The following UMODL1 variants were observed in gnomAD, a reference collection of about 807,000 sequenced individuals.
UMODL1 encodes uromodulin-like 1.
UMODL1 carries 128 observed loss-of-function variants against 136.3 expected under a neutral mutation model. That is an observed-to-expected ratio of 0.94 (90% CI 0.81 to 1.09). The LOEUF (loss-of-function observed/expected upper bound fraction) is 1.09. UMODL1 is among the 50% of genes least tolerant of loss of function. The pLI, the probability that UMODL1 is intolerant of heterozygous loss-of-function variation, is 0.00. For missense variants in UMODL1, 1,766 were observed against 1,725.6 expected, an observed-to-expected ratio of 1.02 and a Z score of -0.41; for synonymous variants, 721 against 720.0, an observed-to-expected ratio of 1.00 and a Z score of -0.02.
At position 42,122,585 on chromosome 21, in the gene UMODL1, ATG is replaced by A. The variant is rs558420702; in HGVS notation, c.2828-239_2828-238del. Among the ~76,000 whole-genome samples, 260 of 74,542 alleles carry A rather than the reference ATG, an allele frequency of 3.5e-3. 1 individual carries two copies. Among genetic ancestry groups the A allele is most frequent in the African/African-American group, 0.012 (244 of 19,898 alleles). The allele number at this position is 74,542 out of a possible 152,430, so 48.9% of individuals were successfully genotyped here. A position where few individuals can be genotyped will look rare whatever the true frequency, so the allele number is the denominator to read the frequency against. ...TGCACGTGTGTGCGTGCGTGTGTGC[ATG>A]TGTGTGCATGTGTGTGCATCTCTGC... On this transcript the variant is annotated intron_variant, in intron 16 of 22. Transcript: ENST00000408910. This position sits in a 1 kb window ranked among gnomAD's most constrained non-coding sequence, Gnocchi z 4.3.
intron 2 of UMODL1, among the ~76,000 whole-genome samples, chr21:42,078,297 G>C (rs1232477): frequency 3.2e-5 from 1 of 31,696 alleles, no homozygotes; most frequent in East Asian, 4.7e-4. Flanking sequence ...GAAACCAGGC[G>C]GGGCCAGCTG....
chr21:42,114,723 A>G (rs1234778991), intron 13 of UMODL1, among the ~76,000 whole-genome samples: 6 of 152,260 alleles, frequency 3.9e-5, no homozygotes, highest in Non-Finnish European at 7.3e-5. Context: ...GGAGTGCATG[A>G]CGTGAATTGT....
intron 1 of UMODL1, among the ~76,000 whole-genome samples, chr21:42,065,787 C>T (rs1254170374): frequency 1.3e-5 from 2 of 152,106 alleles, no homozygotes; most frequent in Non-Finnish European, 2.9e-5. Context: ...CCGCCTCAGC[C>T]TCCCAAAGTG....
At chr21:42,103,506 G>A (rs1301342726) in intron 8 of UMODL1, 2 of 380,872 alleles carry the variant, frequency 5.3e-6, no homozygotes, top group Non-Finnish European at 1.0e-5. Context: ...CCTTGGTGGG[G>A]CCTCTCCATC....
upstream of UMODL1, among the ~76,000 whole-genome samples, chr21:42,070,947 A>T (rs2066224542): frequency 6.6e-6 from 1 of 152,226 alleles, no homozygotes; most frequent in Non-Finnish European, 1.5e-5. Flanking sequence ...CTCCGTGTTG[A>T]TGGAGAGACT....
rs2146470129 is a variant in UMODL1, at chr21:42,099,487, G to C, written c.1186+307G>C. Among the ~76,000 whole-genome samples, 1 of 152,220 alleles carries C rather than the reference G, an allele frequency of 6.6e-6. No individual in the cohort carries two copies. The highest frequency in any genetic ancestry group is 1.5e-5 in the Non-Finnish European group (1 of 68,022). ...AGGCATCAGCTAGGGTGAAGCAAAG[G>C]AACAAAATAATAATAATAAAGCAGA... On this transcript the variant is annotated intron_variant, in intron 7 of 22. Coordinates refer to ENST00000408910, the MANE Select transcript of UMODL1 (RefSeq NM_001004416.3). The surrounding 1 kb of genome is among the most constrained non-coding windows in gnomAD (Gnocchi z 4.1).
chr21:42,128,242 T>A (rs1832284146), intron 20 of UMODL1: 1 of 300,722 alleles, frequency 3.3e-6, no homozygotes, highest in African/African-American at 2.2e-5. Flanking sequence ...AATAAAGTTT[T>A]TTCCCCTTTC....
chr21:42,114,954 GC>G (rs2066883894), intron 13 of UMODL1, among the ~76,000 whole-genome samples: 1 of 152,228 alleles, frequency 6.6e-6, no homozygotes, highest in South Asian at 2.1e-4. Context: ...GGTTGCTCAT[GC>G]CAGCCATGGA....
chr21:42,082,621 GTCC>G (rs895023271), intron 2 of UMODL1, among the ~76,000 whole-genome samples: 1 of 152,158 alleles, frequency 6.6e-6, no homozygotes, highest in African/African-American at 2.4e-5. Flanking sequence ...CTCCCTCTGT[GTCC>G]TCCTCATGGC....
chr21:42,075,942 A>G (rs1253334905), intron 1 of UMODL1, 63 bp from the exon 2 acceptor site: 1 of 1,592,290 alleles, frequency 6.3e-7, no homozygotes, highest in Non-Finnish European at 8.6e-7. Context: ...CGCCTTGCGG[A>G]TAACCGCTCG....
chr21:42,109,588 G>C lies in UMODL1; in HGVS notation c.1546G>C (p.Glu516Gln). ...QDWDECVDSA[E>Q]HDCSPAAWCI... Reference sequence around the variant, plus strand: ...CTGGGACGAGTGTGTGGACAGCGCGGAACACGACTGCTCACCGGCTGCCTG... The same window carrying C: ...CTGGGACGAGTGTGTGGACAGCGCGCAACACGACTGCTCACCGGCTGCCTG... The change falls in exon 10 of 23, where the codon GAA becomes CAA. Residue 516 changes from glutamate to glutamine, a missense_variant. Glu to Gln is a conservative substitution (Grantham distance 29). Transcript: ENST00000408910. 6.2e-7 allele frequency: 1 copy of C among 1,611,736 alleles called. No homozygotes were observed. Among genetic ancestry groups the C allele is most frequent in the Non-Finnish European group, 8.5e-7 (1 of 1,180,022 alleles).
Position 42,118,375 on chromosome 21 carries a change from C to T in UMODL1, c.2476-736C>T, listed in dbSNP as rs75742134. On this transcript the variant is annotated intron_variant, in intron 14 of 22. Transcript: ENST00000408910. ...ATGACCCAGGCCTTGAGCCATCGCA[C>T]CTGTGAGGACAAACCCTGGAAGTAC... 3.0e-3 allele frequency among the ~76,000 whole-genome samples: 462 copies of T among 152,318 alleles called. 29 individuals carry two copies. In the East Asian group the frequency reaches 0.078, roughly 26 times the overall value.
intron 1 of UMODL1, among the ~76,000 whole-genome samples, chr21:42,072,241 G>A (rs944450730): frequency 1.3e-5 from 2 of 152,146 alleles, no homozygotes; most frequent in Non-Finnish European, 2.9e-5. Flanking sequence ...AAAAACACAC[G>A]GGAGTTCTGA....
At chr21:42,077,621 A>C (rs150295255) in intron 2 of UMODL1, among the ~76,000 whole-genome samples, 828 of 152,268 alleles carry the variant, frequency 5.4e-3, no homozygotes, top group Middle Eastern at 0.027. Context: ...AACTGCGGAT[A>C]TAGCTCGCCA....
chr21:42,095,089 G>GGTTTTCTTTTTTTT lies in UMODL1; in HGVS notation c.932-3837_932-3836insGTTTTCTTTTTTTT, dbSNP rs1555922532. ...CATCACTCCTTTGTTTTCTTCTGCT[G>GGTTTTCTTTTTTTT]TTTTTTTTTTTTTTTTTTTTTTTGA... is the stretch of plus-strand genomic sequence containing the variant. On this transcript the variant is annotated intron_variant, in intron 6 of 22. Coordinates refer to ENST00000408910, the MANE Select transcript of UMODL1 (RefSeq NM_001004416.3). Among the ~76,000 whole-genome samples, 2 of 61,186 alleles carry GGTTTTCTTTTTTTT rather than the reference G, an allele frequency of 3.3e-5. 1 individual carries two copies. The highest frequency in any genetic ancestry group is 1.4e-3 in the South Asian group (2 of 1,452). The allele number at this position is 61,186 out of a possible 152,430, so 40.1% of individuals were successfully genotyped here. A position where few individuals can be genotyped will look rare whatever the true frequency, so the allele number is the denominator to read the frequency against.
At chr21:42,081,791 A>G (rs1161757494) in intron 2 of UMODL1, among the ~76,000 whole-genome samples, 1 of 152,166 alleles carries the variant, frequency 6.6e-6, no homozygotes, top group Non-Finnish European at 1.5e-5. Flanking sequence ...GGGAAACTCC[A>G]TAGTTTATTT....
intron 18 of UMODL1, 71 bp downstream of exon 18, chr21:42,126,561 A>G: frequency 6.2e-7 from 1 of 1,605,224 alleles, no homozygotes; most frequent in Non-Finnish European, 8.5e-7. Flanking sequence ...AGAGTTCTTT[A>G]GGGTGTCAAC....
In UMODL1 at chr21:42,127,168, GGTC is replaced by G. The variant is rs2067069058; in HGVS notation, c.3457_3459del (p.Val1153del). 10 of 1,614,186 alleles carry G rather than the reference GGTC, an allele frequency of 6.2e-6. No homozygotes were observed. Among genetic ancestry groups the G allele is most frequent in the Non-Finnish European group, 8.5e-6 (10 of 1,180,044 alleles). On this transcript the variant is annotated inframe_deletion, in exon 19 of 23. Transcript: ENST00000408910. The stretch of plus-strand genomic sequence containing the variant: ...ACAGGCAGAAAAGCAACCTCAAGGT[GGTC>G]CTGACGGAGTGCTGGGCAACCCCGT...
chr21:42,085,427 C>G lies in UMODL1; in HGVS notation c.603+15C>G. On this transcript the variant is annotated intron_variant, in intron 4 of 22. Coordinates refer to ENST00000408910, the MANE Select transcript of UMODL1 (RefSeq NM_001004416.3). This position sits in a 1 kb window ranked among gnomAD's most constrained non-coding sequence, Gnocchi z 4.5. ...TGCATTCCTTGGTAGGTGAGACAGA[C>G]GGGGGCTGCCTGCACCCTCCTTGTG... 1 of 1,613,458 alleles carries G rather than the reference C, an allele frequency of 6.2e-7. No individual in the cohort carries two copies. Among genetic ancestry groups the G allele is most frequent in the South Asian group, 1.1e-5 (1 of 91,066 alleles).
Sources: gnomAD v4.1 joint callset for allele counts (sites outside exome capture counted in the v4.1 genomes callset) on GRCh38, gnomAD v4.1.1 for gene constraint, Gnocchi (gnomAD v3.1) non-coding constraint, MANE v1.5 for transcripts, NCBI Gene and HGNC (gene_info 2026-07-23, HGNC 2026-07-21) for gene names.